CAMK4: variants seen among roughly 807,000 people sequenced by gnomAD.
CAMK4 encodes the protein calcium/calmodulin-dependent protein kinase type IV.
Under a neutral mutation model 44.9 loss-of-function variants are expected in CAMK4, and 22 were observed. The ratio of observed to expected loss-of-function variants is 0.49; its 90% CI spans 0.35 to 0.70. The LOEUF is 0.70. CAMK4 is among the 30% of genes least tolerant of loss of function. The pLI is 0.01. For missense variants in CAMK4, 498 were observed against 586.8 expected (o/e 0.85, Z 1.56); for synonymous variants, 218 against 215.4 (o/e 1.01, Z -0.11).
At chr5:111,477,508 C>T (rs556197309) in intron 8 of CAMK4, among the ~76,000 whole-genome samples, 2 of 152,168 alleles carry the variant, frequency 1.3e-5, no homozygotes, top group South Asian at 2.1e-4. Flanking sequence ...TAAGCAGTTC[C>T]CTCTTGGTCC....
intron 7 of CAMK4, among the ~76,000 whole-genome samples, chr5:111,465,166 G>T (rs560939599): frequency 7.2e-5 from 11 of 152,070 alleles, no homozygotes; most frequent in African/African-American, 2.4e-4. Flanking sequence ...ACTAATGATG[G>T]TGTTGCCTAA....
At chr5:111,252,989 G>A (rs1253662811) in intron 1 of CAMK4, among the ~76,000 whole-genome samples, 1 of 152,224 alleles carries the variant, frequency 6.6e-6, no homozygotes, top group Non-Finnish European at 1.5e-5. Context: ...GGCTCAGGCT[G>A]TCAGTCATGT....
chr5:111,308,293 T>C (rs1748025995), intron 1 of CAMK4, among the ~76,000 whole-genome samples: 1 of 152,090 alleles, frequency 6.6e-6, no homozygotes, highest in Non-Finnish European at 1.5e-5. Flanking sequence ...TAGTTCTTAT[T>C]TTAAAATGCA....
chr5:111,383,714 C>T (rs376768550), intron 4 of CAMK4, among the ~76,000 whole-genome samples: 9 of 151,756 alleles, frequency 5.9e-5, no homozygotes, highest in African/African-American at 1.7e-4. Flanking sequence ...ATCCACCCAC[C>T]TCGGCCTCCC....
chr5:111,355,760 T>C (rs1750320957), intron 2 of CAMK4, among the ~76,000 whole-genome samples: 1 of 151,478 alleles, frequency 6.6e-6, no homozygotes, highest in Admixed American at 6.6e-5. Flanking sequence ...GTGTTTGGTT[T>C]TTTGTCCTTG....
chr5:111,460,907 C>T (rs1754621427), intron 7 of CAMK4, among the ~76,000 whole-genome samples: 1 of 151,606 alleles, frequency 6.6e-6, no homozygotes, highest in African/African-American at 2.4e-5. Context: ...ATTTTCTCTT[C>T]AGGATATTAT....
In CAMK4 at chr5:111,449,199, C is replaced by T. The variant is rs956772969; in HGVS notation, c.621C>T (p.Tyr207=). 16 of 1,430,080 alleles carry T rather than the reference C, an allele frequency of 1.1e-5. No individual in the cohort carries two copies. The highest frequency in any genetic ancestry group is 1.8e-5 in the Admixed American group (1 of 55,262). The allele number at this position is 1,430,080 out of a possible 1,614,324, so 88.6% of individuals were successfully genotyped here. The stretch of plus-strand genomic sequence containing the variant: ...AGACAGTATGTGGAACCCCAGGGTA[C>T]TGCGGTATGCTCTTTAATAATTATA... ...LMKTVCGTPG[Y]CAPEILRGCA... is the part of the protein sequence containing the mutation. The change falls in exon 7 of 11, where the codon TAC becomes TAT. Residue 207 remains tyrosine (Y), a synonymous_variant. Transcript: ENST00000282356.
At chr5:111,375,713 C>T (rs1323319899) in intron 3 of CAMK4, among the ~76,000 whole-genome samples, 3 of 152,240 alleles carry the variant, frequency 2.0e-5, no homozygotes, top group South Asian at 4.1e-4. Flanking sequence ...CAACAAAAAT[C>T]AGGCAGTTTT....
chr5:111,305,067 T>C (rs1293012759), intron 1 of CAMK4, among the ~76,000 whole-genome samples: 1 of 112,874 alleles, frequency 8.9e-6, no homozygotes, highest in Non-Finnish European at 1.8e-5. Context: ...AGACACCACA[T>C]ACCAGAATCT....
At chr5:111,455,672 A>G (rs769472759) in intron 7 of CAMK4, among the ~76,000 whole-genome samples, 94 of 152,324 alleles carry the variant, frequency 6.2e-4, no homozygotes, top group Non-Finnish European at 1.1e-3. Flanking sequence ...CCACAGATAT[A>G]TGGGTGACTA....
intron 5 of CAMK4, among the ~76,000 whole-genome samples, chr5:111,429,434 AG>A (rs1187361130): frequency 6.6e-6 from 1 of 152,148 alleles, no homozygotes; most frequent in African/African-American, 2.4e-5. Context: ...TGAATCAGAA[AG>A]AAATCTAAAA....
intron 1 of CAMK4, among the ~76,000 whole-genome samples, chr5:111,303,887 A>T (rs1362206718): frequency 7.4e-6 from 1 of 134,770 alleles, no homozygotes; most frequent in Non-Finnish European, 1.5e-5. Context: ...TCAGACTAAC[A>T]GCGGATCTCT....
chr5:111,337,680 TA>T (rs1174151271), intron 1 of CAMK4, among the ~76,000 whole-genome samples: 1 of 151,204 alleles, frequency 6.6e-6, no homozygotes, highest in South Asian at 2.1e-4. Flanking sequence ...GGAGGTTGTA[TA>T]AAAAGTAGAA....
chr5:111,342,322 A>G (rs1749678987), intron 1 of CAMK4, among the ~76,000 whole-genome samples: 1 of 151,306 alleles, frequency 6.6e-6, no homozygotes, highest in Non-Finnish European at 1.5e-5. Flanking sequence ...ACACATATTT[A>G]TATTTATTAT....
intron 10 of CAMK4, among the ~76,000 whole-genome samples, 173 bp downstream of exon 10, chr5:111,483,110 G>A (rs1755489213): frequency 6.6e-6 from 1 of 152,038 alleles, no homozygotes; most frequent in Non-Finnish European, 1.5e-5. Context: ...AGCTACTTAA[G>A]TTTTCTTATA....
At chr5:111,374,753 T>G (rs1170735302) in intron 2 of CAMK4, 97 bp from the exon 3 acceptor site, 1 of 748,964 alleles carries the variant, frequency 1.3e-6, no homozygotes, top group Non-Finnish European at 2.4e-6. Flanking sequence ...CTCTGCGAAT[T>G]GCCTGATTCA....
intron 5 of CAMK4, among the ~76,000 whole-genome samples, chr5:111,441,643 T>C (rs1049212180): frequency 2.0e-5 from 3 of 152,324 alleles, no homozygotes; most frequent in Admixed American, 6.5e-5. Flanking sequence ...TGTTTTTTTC[T>C]GTTTTCTTGC....
chr5:111,465,074 A>T (rs897557362), intron 7 of CAMK4, among the ~76,000 whole-genome samples: 1 of 152,080 alleles, frequency 6.6e-6, no homozygotes, highest in Non-Finnish European at 1.5e-5. Flanking sequence ...TCCATTCACA[A>T]TTCCTAATTC....
intron 1 of CAMK4, among the ~76,000 whole-genome samples, chr5:111,324,827 T>C (rs1748808096): frequency 6.6e-6 from 1 of 152,042 alleles, no homozygotes; most frequent in South Asian, 2.1e-4. Flanking sequence ...TCAAACTTTA[T>C]AGTATGTATT....
Sources: gnomAD v4.1 joint callset for allele counts (sites outside exome capture counted in the v4.1 genomes callset) on GRCh38, gnomAD v4.1.1 for gene constraint, MANE v1.5 for transcripts, NCBI Gene and HGNC (gene_info 2026-07-23, HGNC 2026-07-21) for gene names.